Variants in COL9A1 observed in about 807,000 individuals in gnomAD.
COL9A1 encodes collagen alpha-1(IX) chain.
COL9A1 carries 104 observed loss-of-function variants against 142.6 expected under a neutral mutation model. The ratio of observed to expected loss-of-function variants is 0.73; its 90% CI spans 0.62 to 0.86. The LOEUF is 0.86. COL9A1 is among the 40% of genes least tolerant of loss of function. The pLI is 0.00. For missense variants in COL9A1, 1,210 were observed against 1,176.6 expected (o/e 1.03, Z -0.42); for synonymous variants, 466 against 396.0 (o/e 1.18, Z -2.10).
At position 70,255,503 on chromosome 6, in the gene COL9A1, C is replaced by T. The variant is rs1322145380; in HGVS notation, c.1504-113G>A. The T allele has an allele frequency of 2.7e-5, 25 of 926,246 alleles. No individual in the cohort carries two copies. The East Asian group carries it at 6.0e-4, about 22-fold the overall frequency. 57.4% of individuals were successfully genotyped at this position (926,246 alleles called of 1,614,324 possible). A position where few individuals can be genotyped will look rare whatever the true frequency, so the allele number is the denominator to read the frequency against. On this transcript the variant is annotated intron_variant, in intron 21 of 37. Transcript: ENST00000357250. The stretch of plus-strand genomic sequence containing the variant: ...AACTATTAGTCTTCCACCACAATGG[C>T]TTTGCTCTATCAAGGAAGCCTAGAT...
rs376175194 is a variant in COL9A1, at chr6:70,255,434, A to T, written c.1504-44T>A. On this transcript the variant is annotated intron_variant, in intron 21 of 37. Coordinates refer to ENST00000357250, the MANE Select transcript of COL9A1 (RefSeq NM_001851.6). ...TTGTTAATACAAGAAAAAGTTACTT[A>T]TTAATCAACTTTTAAAAATTAGAAA... 2.3e-3 allele frequency: 3,507 copies of T among 1,536,824 alleles called. 7 individuals carry two copies. The highest frequency in any genetic ancestry group is 3.1e-3 in the South Asian group (275 of 89,480).
At chr6:70,259,513 G>T (rs777191277) in intron 20 of COL9A1, among the ~76,000 whole-genome samples, 2 of 152,058 alleles carry the variant, frequency 1.3e-5, no homozygotes, top group Admixed American at 1.3e-4. Context: ...ACTTCTGAAC[G>T]CATCATGATG....
chr6:70,262,883 T>C (rs1166647258), intron 19 of COL9A1, among the ~76,000 whole-genome samples: 2 of 152,238 alleles, frequency 1.3e-5, no homozygotes, highest in Non-Finnish European at 2.9e-5. Context: ...CTACTGCATA[T>C]TTAGAACACA....
At chr6:70,243,060 T>C (rs1349428582) in intron 28 of COL9A1, among the ~76,000 whole-genome samples, 2 of 152,246 alleles carry the variant, frequency 1.3e-5, no homozygotes, top group Admixed American at 1.3e-4. Flanking sequence ...TAAATATTAA[T>C]TTGGAATTCT....
chr6:70,260,306 C>T (rs767664577), intron 20 of COL9A1, among the ~76,000 whole-genome samples: 1 of 152,030 alleles, frequency 6.6e-6, no homozygotes, highest in Non-Finnish European at 1.5e-5. Context: ...CTTTGGGAGG[C>T]CGAGCCAGGT....
chr6:70,266,292 G>A (rs762113944), intron 18 of COL9A1, among the ~76,000 whole-genome samples: 1 of 147,718 alleles, frequency 6.8e-6, no homozygotes, highest in Admixed American at 6.7e-5. Flanking sequence ...CTTGAGATGA[G>A]AAGCTATAAG....
At chr6:70,249,318 G>A (rs760022711) in intron 28 of COL9A1, among the ~76,000 whole-genome samples, 1 of 152,138 alleles carries the variant, frequency 6.6e-6, no homozygotes, top group Non-Finnish European at 1.5e-5. Context: ...CCCAGTGACT[G>A]TGGAGACACT....
intron 21 of COL9A1, 132 bp downstream of exon 21, chr6:70,256,636 T>A: frequency 3.2e-6 from 2 of 622,830 alleles, no homozygotes; most frequent in East Asian, 2.9e-5. Flanking sequence ...AAATTTAAAT[T>A]TAAACATATA....
intron 21 of COL9A1, among the ~76,000 whole-genome samples, chr6:70,256,528 C>T (rs1771307222): frequency 6.6e-6 from 1 of 152,016 alleles, no homozygotes; most frequent in Non-Finnish European, 1.5e-5. Context: ...AACACGCAAA[C>T]ATAAATACTT....
At position 70,268,810 on chromosome 6, in the gene COL9A1, G is replaced by A. The variant is rs755678059; in HGVS notation, c.1281C>T (p.Gly427=). ...CTGGAAGTTATTCTCTTACCCTCAT[G>A]CCTGGTAGGCCTGGATATCCTGAGC... is the stretch of plus-strand genomic sequence containing the variant. ...PGRSGYPGLP[G]MRGHKGAKGE... is the part of the protein sequence containing the mutation. The change falls in exon 17 of 38, where the codon GGC becomes GGT. Residue 427 remains glycine, a synonymous_variant. Transcript: ENST00000357250. The A allele has an allele frequency of 6.2e-7, 1 of 1,613,496 alleles. No individual in the cohort carries two copies. Among genetic ancestry groups the A allele is most frequent in the Non-Finnish European group, 8.5e-7 (1 of 1,179,500 alleles).
At chr6:70,291,481 G>A (rs1773660094) in intron 5 of COL9A1, among the ~76,000 whole-genome samples, 1 of 151,998 alleles carries the variant, frequency 6.6e-6, no homozygotes, top group African/African-American at 2.4e-5. Flanking sequence ...CCACTATCAT[G>A]GTCCTTATCA....
chr6:70,245,827 T>C (rs541259447), intron 28 of COL9A1: 4 of 152,192 alleles, frequency 2.6e-5, no homozygotes, highest in South Asian at 2.1e-4. Flanking sequence ...TGGTGGCAGG[T>C]GCCTGTACTC....
chr6:70,267,555 C>A (rs985660787), intron 17 of COL9A1, among the ~76,000 whole-genome samples: 4 of 152,114 alleles, frequency 2.6e-5, no homozygotes, highest in Admixed American at 2.6e-4. Context: ...CTCCCAACGT[C>A]AGGTGATCCA....
In COL9A1 at chr6:70,272,096, A is replaced by T; in HGVS notation, c.1066-8T>A. On this transcript the variant is annotated splice_region_variant and splice_polypyrimidine_tract_variant and intron_variant, in intron 12 of 37. Coordinates refer to ENST00000357250, the MANE Select transcript of COL9A1 (RefSeq NM_001851.6). Reference sequence around the variant, plus strand: ...TCCAGGAATACCACGGCCCTAAAAGAGTACAATAAAAATGGTTATAGCTTG... The same window carrying T: ...TCCAGGAATACCACGGCCCTAAAAGTGTACAATAAAAATGGTTATAGCTTG... 6.2e-7 allele frequency: 1 copy of T among 1,610,304 alleles called. No individual in the cohort carries two copies.
At chr6:70,290,528 C>A (rs1026094771) in intron 5 of COL9A1, among the ~76,000 whole-genome samples, 1 of 152,058 alleles carries the variant, frequency 6.6e-6, no homozygotes, top group Non-Finnish European at 1.5e-5. Context: ...ATATCACAAG[C>A]CTATGAAAAC....
At chr6:70,281,179 C>A in intron 8 of COL9A1, 140 bp from the exon 9 acceptor site, 9 of 814,344 alleles carry the variant, frequency 1.1e-5, no homozygotes, top group Non-Finnish European at 1.8e-5. Context: ...CCAACAAGGA[C>A]AACAGAGACA....
At chr6:70,293,195 A>G (rs905042631) in intron 5 of COL9A1, among the ~76,000 whole-genome samples, 8 of 152,162 alleles carry the variant, frequency 5.3e-5, no homozygotes, top group African/African-American at 1.9e-4. Context: ...GTATGAGAGA[A>G]AGAGAGAGAG....
chr6:70,302,110 G>T (rs762738191), intron 1 of COL9A1, 36 bp from the exon 2 acceptor site: 62 of 1,451,866 alleles, frequency 4.3e-5, no homozygotes, highest in Non-Finnish European at 1.9e-6. Context: ...TGAAACAGGA[G>T]TCCCCGCAGA....
At chr6:70,228,027 G>T (rs1190802895) in intron 36 of COL9A1, among the ~76,000 whole-genome samples, 1 of 152,072 alleles carries the variant, frequency 6.6e-6, no homozygotes, top group Non-Finnish European at 1.5e-5. Context: ...TTAGGCAGAT[G>T]GGAGACAGGG....
Sources: gnomAD v4.1 joint callset for allele counts (sites outside exome capture counted in the v4.1 genomes callset) on GRCh38, gnomAD v4.1.1 for gene constraint, MANE v1.5 for transcripts, NCBI Gene and HGNC (gene_info 2026-07-23, HGNC 2026-07-21) for gene names.